CSMD1: variants seen among roughly 807,000 people sequenced by gnomAD.
The protein encoded by CSMD1 is CUB and Sushi multiple domains 1.
In CSMD1, 213 loss-of-function variants were observed where a neutral mutation model predicts 417.5. The ratio of observed to expected loss-of-function variants is 0.51; its 90% CI spans 0.46 to 0.57. The LOEUF (loss-of-function observed/expected upper bound fraction) is 0.57, where lower values mean the gene tolerates loss of function less well. Ranked by LOEUF, CSMD1 falls within the 20% of genes least tolerant of loss-of-function variation. The probability of loss-of-function intolerance (pLI) is 0.00; values close to 1 mark genes in which losing one functional copy is unlikely to be tolerated. For synonymous variants in CSMD1, 2,862 were observed against 1,736.8 expected (o/e 1.65, Z -16.11); for missense variants, 6,923 against 4,529.7 (o/e 1.53, Z -15.17).
At chr8:4,842,531 T>G (rs1408517523) in intron 1 of CSMD1, among the ~76,000 whole-genome samples, 2 of 152,190 alleles carry the variant, frequency 1.3e-5, no homozygotes, top group Admixed American at 1.3e-4. Context: ...AAGTGTTCAC[T>G]TACAGCGAGC....
intron 10 of CSMD1, among the ~76,000 whole-genome samples, chr8:3,513,979 GCAGATTCCAATC>G (rs946345752): frequency 2.6e-5 from 4 of 152,180 alleles, no homozygotes; most frequent in African/African-American, 9.7e-5. Context: ...AGAGAAGGTA[GCAGATTCCAATC>G]CAGGCCTTCT....
chr8:4,738,755 C>T (rs535210306), intron 1 of CSMD1, among the ~76,000 whole-genome samples: 1 of 152,174 alleles, frequency 6.6e-6, no homozygotes, highest in Admixed American at 6.5e-5. Context: ...GTATGCATTT[C>T]TGAATACAGG....
At chr8:4,070,212 T>G (rs1232499949) in intron 3 of CSMD1, among the ~76,000 whole-genome samples, 3 of 152,206 alleles carry the variant, frequency 2.0e-5, no homozygotes, top group Non-Finnish European at 2.9e-5. Flanking sequence ...CTGTGTTTCT[T>G]GTCTTTTCTT....
intron 20 of CSMD1, among the ~76,000 whole-genome samples, chr8:3,363,149 C>T (rs1016960339): frequency 6.6e-6 from 1 of 152,176 alleles, no homozygotes; most frequent in East Asian, 1.9e-4. Context: ...CTGCTGAGAG[C>T]CCACCCAAAT....
chr8:4,446,140 G>A (rs13251739), intron 2 of CSMD1, among the ~76,000 whole-genome samples: 3 of 152,072 alleles, frequency 2.0e-5, no homozygotes, highest in African/African-American at 7.2e-5. Context: ...TTACATACGT[G>A]AGTTTTGAAC....
intron 3 of CSMD1, among the ~76,000 whole-genome samples, chr8:4,110,218 T>C (rs927693032): frequency 6.6e-6 from 1 of 152,128 alleles, no homozygotes; most frequent in Admixed American, 6.5e-5. Flanking sequence ...AGAATATAGA[T>C]ATGAAATAAA....
chr8:3,228,508 C>G (rs1798645955), intron 27 of CSMD1, among the ~76,000 whole-genome samples: 1 of 152,180 alleles, frequency 6.6e-6, no homozygotes, highest in Non-Finnish European at 1.5e-5. Context: ...GTGATTTCAG[C>G]TTGTCCTTGA....
intron 3 of CSMD1, among the ~76,000 whole-genome samples, chr8:4,226,556 A>G (rs143848467): frequency 2.4e-4 from 37 of 152,334 alleles, no homozygotes; most frequent in African/African-American, 8.7e-4. Context: ...CATGGATACC[A>G]TAAGTTGAAA....
At position 3,976,853 on chromosome 8, in the gene CSMD1, T is replaced by C. The variant is rs900885484; in HGVS notation, c.818+21050A>G. Among the ~76,000 whole-genome samples the C allele has an allele frequency of 2.0e-5, 3 of 152,170 alleles. No homozygotes were observed. The East Asian group carries it at 5.8e-4, about 29-fold the overall frequency. The stretch of plus-strand genomic sequence containing the variant: ...CAACCACTGCACTGACCTCAACCAC[T>C]GCACTGACCAGCACTAGCACTGAGA... On this transcript the variant is annotated intron_variant, in intron 5 of 69. Coordinates refer to ENST00000635120, the MANE Select transcript of CSMD1 (RefSeq NM_033225.6).
chr8:3,424,503 T>C (rs888212267), intron 12 of CSMD1, among the ~76,000 whole-genome samples: 1 of 152,222 alleles, frequency 6.6e-6, no homozygotes, highest in Non-Finnish European at 1.5e-5. Flanking sequence ...CCTTAGGTCA[T>C]ATAGAGAAAA....
intron 41 of CSMD1, among the ~76,000 whole-genome samples, chr8:3,124,613 A>G (rs1206632782): frequency 1.3e-5 from 2 of 152,110 alleles, no homozygotes; most frequent in African/African-American, 2.4e-5. Context: ...CCCTTCTCCT[A>G]AAGTGTGTGC....
intron 8 of CSMD1, among the ~76,000 whole-genome samples, chr8:3,586,958 C>T (rs1425646639): frequency 1.3e-5 from 2 of 152,098 alleles, no homozygotes; most frequent in Non-Finnish European, 2.9e-5. Flanking sequence ...CACAACTAGG[C>T]CCGGCTAATT....
At chr8:4,813,468 A>G (rs1258892160) in intron 1 of CSMD1, among the ~76,000 whole-genome samples, 1 of 152,212 alleles carries the variant, frequency 6.6e-6, no homozygotes, top group African/African-American at 2.4e-5. Context: ...AACAGAACGT[A>G]TCAAAAAATA....
At position 2,961,887 on chromosome 8, in the gene CSMD1, A is replaced by T. The variant is rs1803525166; in HGVS notation, c.9628+579T>A. Among the ~76,000 whole-genome samples, 4 of 152,338 alleles carry T rather than the reference A, an allele frequency of 2.6e-5. No homozygotes were observed. In the South Asian group the frequency reaches 8.3e-4, roughly 32 times the overall value. ...TACTGTATAGCAATAGTTTAAATCAAATGACAGCAAATATTCTTCTAATTA... is the reference window on the plus strand; with the variant it reads ...TACTGTATAGCAATAGTTTAAATCATATGACAGCAAATATTCTTCTAATTA... On this transcript the variant is annotated intron_variant, in intron 61 of 69. Coordinates refer to ENST00000635120, the MANE Select transcript of CSMD1 (RefSeq NM_033225.6).
intron 17 of CSMD1, among the ~76,000 whole-genome samples, chr8:3,388,232 G>C (rs1410655999): frequency 6.6e-6 from 1 of 152,096 alleles, no homozygotes; most frequent in African/African-American, 2.4e-5. Context: ...TCAAATTTTA[G>C]TTTAAGTCAG....
At chr8:4,362,340 C>T (rs1801816785) in intron 3 of CSMD1, among the ~76,000 whole-genome samples, 2 of 152,112 alleles carry the variant, frequency 1.3e-5, no homozygotes, top group South Asian at 4.1e-4. Flanking sequence ...CCTTGAGACC[C>T]CAAGCTCATC....
chr8:3,112,873 G>A (rs1233540990), intron 42 of CSMD1: 8 of 152,200 alleles, frequency 5.3e-5, no homozygotes, highest in Non-Finnish European at 1.0e-4. Flanking sequence ...CTCCCACTGG[G>A]TAGTCCAGAG....
chr8:4,964,501 CCA>C lies in CSMD1; in HGVS notation c.85+29829_85+29830del, dbSNP rs1491412995. Among the ~76,000 whole-genome samples the C allele has an allele frequency of 6.2e-3, 502 of 80,988 alleles. 5 individuals are homozygous for C. Among genetic ancestry groups the C allele is most frequent in the African/African-American group, 0.026 (477 of 18,098 alleles). The allele number at this position is 80,988 out of a possible 152,430, so 53.1% of individuals were successfully genotyped here. A position where few individuals can be genotyped will look rare whatever the true frequency, so the allele number is the denominator to read the frequency against. On this transcript the variant is annotated intron_variant, in intron 1 of 69. Coordinates refer to ENST00000635120, the MANE Select transcript of CSMD1 (RefSeq NM_033225.6). ...ATCACAACACAGCAAGACCCTGTCT[CCA>C]AAAAAAAAAAAAAAAAAAAAAAGGA... is the stretch of plus-strand genomic sequence containing the variant.
chr8:3,391,223 T>A (rs1372328574), intron 17 of CSMD1, among the ~76,000 whole-genome samples: 1 of 152,214 alleles, frequency 6.6e-6, no homozygotes, highest in Non-Finnish European at 1.5e-5. Context: ...AATATACTCC[T>A]TTATCACAAT....
Sources: allele counts gnomAD v4.1 joint callset (sites outside exome capture counted in the v4.1 genomes callset), GRCh38; gene constraint gnomAD v4.1.1; transcripts MANE v1.5; gene names NCBI Gene and HGNC (gene_info 2026-07-23, HGNC 2026-07-21).